BNC2: variants seen among roughly 807,000 people sequenced by gnomAD.
The protein encoded by BNC2 is zinc finger protein basonuclin-2.
BNC2 carries 20 observed loss-of-function variants against 76.3 expected under a neutral mutation model. The ratio of observed to expected loss-of-function variants is 0.26; its 90% CI spans 0.18 to 0.38. The LOEUF (loss-of-function observed/expected upper bound fraction) is 0.38, where lower values mean the gene tolerates loss of function less well. Among genes scored for constraint, BNC2 ranks in the 10% least tolerant of loss-of-function variants. The pLI is 1.00. For synonymous variants in BNC2, 582 were observed against 514.8 expected (o/e 1.13, Z -1.77); for missense variants, 1,382 against 1,399.8 (o/e 0.99, Z 0.20).
intron 1 of BNC2, among the ~76,000 whole-genome samples, chr9:16,743,418 C>G (rs1824907783): frequency 6.6e-6 from 1 of 152,152 alleles, no homozygotes; most frequent in Non-Finnish European, 1.5e-5. Context: ...TGAAAGAGGA[C>G]CTTCCATTCT....
intron 3 of BNC2, among the ~76,000 whole-genome samples, chr9:16,695,295 TTTTC>T (rs1348686729): frequency 2.0e-5 from 3 of 152,102 alleles, no homozygotes; most frequent in Non-Finnish European, 4.4e-5. Context: ...ACCATTTTCT[TTTTC>T]TTTATTTTTA....
At chr9:16,680,220 T>C (rs1224083522) in intron 3 of BNC2, among the ~76,000 whole-genome samples, 5 of 151,820 alleles carry the variant, frequency 3.3e-5, no homozygotes, top group South Asian at 2.1e-4. Context: ...GGGCTTTTGT[T>C]GTTGTTGTTG....
intron 5 of BNC2, among the ~76,000 whole-genome samples, chr9:16,521,690 A>T (rs1011912739): frequency 1.3e-5 from 2 of 152,096 alleles, no homozygotes; most frequent in African/African-American, 4.8e-5. Context: ...GTAACGTGAG[A>T]TTCCTTAAAA....
intron 5 of BNC2, among the ~76,000 whole-genome samples, chr9:16,447,092 G>C (rs1474567512): frequency 6.6e-6 from 1 of 152,040 alleles, no homozygotes; most frequent in African/African-American, 2.4e-5. Flanking sequence ...AACTTTTAAA[G>C]ACACATTTTA....
At position 16,413,132 on chromosome 9, in the gene BNC2, A is replaced by C. The variant is rs1820509747; in HGVS notation, c.*5857T>G. 6.6e-6 allele frequency: 1 copy of C among 152,534 alleles called. No individual in the cohort carries two copies. The highest frequency in any genetic ancestry group is 1.5e-5 in the Non-Finnish European group (1 of 68,028). 9.4% of individuals were successfully genotyped at this position (152,534 alleles called of 1,614,324 possible). A position where few individuals can be genotyped will look rare whatever the true frequency, so the allele number is the denominator to read the frequency against. ...CTGGCTTTTTTCTTTCCTCTTTTGT[A>C]ATGGTCCACTATTTGTTACAGACTG... On this transcript the variant is annotated 3_prime_UTR_variant, in exon 7 of 7. Transcript: ENST00000380672.
intron 6 of BNC2, among the ~76,000 whole-genome samples, chr9:16,434,630 C>G (rs1820967325): frequency 6.6e-6 from 1 of 152,200 alleles, no homozygotes; most frequent in Non-Finnish European, 1.5e-5. Context: ...TATCCTGCCA[C>G]TGACCACCTT....
At chr9:16,605,553 A>G (rs1362946850) in intron 3 of BNC2, among the ~76,000 whole-genome samples, 1 of 152,236 alleles carries the variant, frequency 6.6e-6, no homozygotes, top group Non-Finnish European at 1.5e-5. Context: ...TCCCATGACT[A>G]CTGTTAAGTA....
chr9:16,788,369 T>A (rs10810631), intron 1 of BNC2, among the ~76,000 whole-genome samples: 6 of 151,252 alleles, frequency 4.0e-5, no homozygotes, highest in Non-Finnish European at 7.4e-5. Context: ...CTGGCTAACA[T>A]GGTGAAACCC....
intron 1 of BNC2, among the ~76,000 whole-genome samples, chr9:16,768,725 T>C (rs1825758549): frequency 6.6e-6 from 1 of 152,140 alleles, no homozygotes; most frequent in Non-Finnish European, 1.5e-5. Context: ...TTTAGTCTAA[T>C]TGGAGAAACA....
intron 1 of BNC2, among the ~76,000 whole-genome samples, chr9:16,862,275 T>C (rs545604950): frequency 6.6e-6 from 1 of 152,336 alleles, no homozygotes; most frequent in South Asian, 2.1e-4. Flanking sequence ...TTTCATTGAA[T>C]GGATATATAA....
intron 1 of BNC2, among the ~76,000 whole-genome samples, chr9:16,833,870 C>T (rs1262612520): frequency 6.6e-6 from 1 of 152,166 alleles, no homozygotes; most frequent in African/African-American, 2.4e-5. Context: ...GATACCAGCT[C>T]ACCAGCATTA....
chr9:16,426,434 G>C (rs574458322), intron 6 of BNC2, among the ~76,000 whole-genome samples: 11 of 151,788 alleles, frequency 7.2e-5, no homozygotes, highest in Admixed American at 1.3e-4. Flanking sequence ...CAAAGTGCTG[G>C]AATTACAGGT....
At position 16,551,445 on chromosome 9, in the gene BNC2, G is replaced by A. The variant is rs78907511; in HGVS notation, c.669+1085C>T. 2.7e-3 allele frequency among the ~76,000 whole-genome samples: 404 copies of A among 152,338 alleles called. 2 individuals are homozygous for A. The highest frequency in any genetic ancestry group is 9.2e-3 in the African/African-American group (384 of 41,570). ...CCACTCCTCACATGCCAAGCTGGCA[G>A]CTAATGCCCTTCATGTAACACACAG... On this transcript the variant is annotated intron_variant, in intron 5 of 6. Transcript: ENST00000380672.
At chr9:16,842,948 C>T (rs1818872087) in intron 1 of BNC2, among the ~76,000 whole-genome samples, 1 of 151,976 alleles carries the variant, frequency 6.6e-6, no homozygotes, top group Non-Finnish European at 1.5e-5. Flanking sequence ...GACGCAGTTT[C>T]GCCATGTTGG....
chr9:16,493,475 G>A (rs985192276), intron 5 of BNC2, among the ~76,000 whole-genome samples: 10 of 152,114 alleles, frequency 6.6e-5, no homozygotes, highest in South Asian at 4.2e-4. Flanking sequence ...TGTAATAAAC[G>A]TGGCAACATG....
chr9:16,704,569 A>G (rs914087212), intron 3 of BNC2, among the ~76,000 whole-genome samples: 3 of 24,096 alleles, frequency 1.2e-4, no homozygotes, highest in African/African-American at 1.9e-4. Flanking sequence ...GCCAAAAAGG[A>G]AAAAAAAAAA....
intron 5 of BNC2, among the ~76,000 whole-genome samples, chr9:16,476,710 A>C (rs1031728281): frequency 6.6e-6 from 1 of 152,166 alleles, no homozygotes; most frequent in Admixed American, 6.5e-5. Context: ...GTAGGCACCC[A>C]AAAAATACAT....
chr9:16,820,396 A>C (rs574525827), intron 1 of BNC2, among the ~76,000 whole-genome samples: 4 of 152,270 alleles, frequency 2.6e-5, no homozygotes, highest in African/African-American at 9.6e-5. Context: ...ATTGCGCTCC[A>C]GCCTGGGCAA....
chr9:16,794,243 A>G (rs1817588378), intron 1 of BNC2, among the ~76,000 whole-genome samples: 1 of 152,062 alleles, frequency 6.6e-6, no homozygotes, highest in Non-Finnish European at 1.5e-5. Context: ...GGAAACTCTC[A>G]CTACCGTCCC....
Sources: allele counts gnomAD v4.1 joint callset (sites outside exome capture counted in the v4.1 genomes callset), GRCh38; gene constraint gnomAD v4.1.1; transcripts MANE v1.5; gene names NCBI Gene and HGNC (gene_info 2026-07-23, HGNC 2026-07-21).